DOCK11: variants seen among roughly 807,000 people sequenced by gnomAD.
DOCK11 encodes the protein dedicator of cytokinesis 11.
A neutral mutation model predicts 169.1 loss-of-function variants in DOCK11; 70 were observed. That is an observed-to-expected ratio of 0.41 (90% CI 0.34 to 0.51). The LOEUF (loss-of-function observed/expected upper bound fraction) is 0.51. Among genes scored for constraint, DOCK11 ranks in the 20% least tolerant of loss-of-function variants. The pLI is 0.10. For synonymous variants in DOCK11, 529 were observed against 541.3 expected (o/e 0.98, Z 0.32); for missense variants, 1,166 against 1,538.8 (o/e 0.76, Z 4.05).
intron 52 of DOCK11, 118 bp downstream of exon 52, chrX:118,683,335 C>A: frequency 1.3e-6 from 1 of 786,058 alleles, no homozygotes; most frequent in Non-Finnish European, 1.7e-6. Context: ...ATATTTTAAA[C>A]TTTTTTCATA....
rs190570629 is a variant in DOCK11 at position 118,558,885 on chromosome X, G to A, written c.559-2498G>A. ...AAAATATGATCTTACAGATCATCTCGTCTGATGTCATCATTTTACAAGTGA... is the reference window on the plus strand; with the variant it reads ...AAAATATGATCTTACAGATCATCTCATCTGATGTCATCATTTTACAAGTGA... On this transcript the variant is annotated intron_variant, in intron 6 of 52. Coordinates refer to ENST00000276202, the MANE Select transcript of DOCK11 (RefSeq NM_144658.4). Among the ~76,000 whole-genome samples the A allele has an allele frequency of 8.6e-4, 96 of 112,024 alleles. 1 individual carries two copies. The highest frequency in any genetic ancestry group is 2.6e-3 in the African/African-American group (81 of 30,837).
chrX:118,582,373 G>A (rs1004861520), intron 14 of DOCK11, among the ~76,000 whole-genome samples: 3 of 111,618 alleles, frequency 2.7e-5, no homozygotes, highest in African/African-American at 6.5e-5. Flanking sequence ...TGTGGCATAC[G>A]GTCCCTCTTT....
At chrX:118,651,891 C>T in intron 41 of DOCK11, 73 bp from the exon 42 acceptor site, 2 of 720,216 alleles carry the variant, frequency 2.8e-6, no homozygotes, top group South Asian at 5.2e-5. Context: ...TGCTTATATA[C>T]TTATAAAATG....
At chrX:118,666,371 A>G (rs1164647368) in intron 45 of DOCK11, among the ~76,000 whole-genome samples, 2 of 112,403 alleles carry the variant, frequency 1.8e-5, no homozygotes, top group African/African-American at 3.2e-5. Context: ...AAAATAGAAC[A>G]TGCCCATTCC....
chrX:118,649,410 T>C (rs1190621922), intron 41 of DOCK11, among the ~76,000 whole-genome samples: 1 of 112,906 alleles, frequency 8.9e-6, no homozygotes, highest in Non-Finnish European at 1.9e-5. Context: ...CTCTTTTTAG[T>C]GTGGCTACTA....
intron 24 of DOCK11, among the ~76,000 whole-genome samples, chrX:118,606,356 C>T (rs894072511): frequency 1.8e-5 from 2 of 112,118 alleles, no homozygotes; most frequent in African/African-American, 6.5e-5. Flanking sequence ...CGTGAGCCAC[C>T]GCTTCCTGCA....
At chrX:118,656,369 A>G (rs756047709) in intron 44 of DOCK11, among the ~76,000 whole-genome samples, 1 of 111,611 alleles carries the variant, frequency 9.0e-6, no homozygotes, top group Admixed American at 9.5e-5. Context: ...TTAAATTAAC[A>G]CTTTCTGTCT....
intron 1 of DOCK11, among the ~76,000 whole-genome samples, chrX:118,529,273 C>T (rs970086861): frequency 1.9e-4 from 21 of 112,197 alleles, no homozygotes; most frequent in African/African-American, 4.5e-4. Context: ...TGAGCCACCA[C>T]GCCCGACCAC....
Position 118,566,133 on chromosome X carries a change from C to T in DOCK11, c.822C>T (p.Asn274=). ...LITLKKIIQI[N]TDSLVQEKKE... is the part of the protein sequence containing the mutation. ...CTTTGAAAAAGATTATTCAGATCAA[C>T]ACCGACAGTTTAGTTCAAGAAAAAA... The change falls in exon 8 of 53, where the codon AAC becomes AAT. Residue 274 remains asparagine (N), a synonymous_variant. Coordinates refer to ENST00000276202, the MANE Select transcript of DOCK11 (RefSeq NM_144658.4). 5.8e-6 allele frequency: 7 copies of T among 1,209,502 alleles called. No individual in the cohort carries two copies. Among genetic ancestry groups the T allele is most frequent in the Non-Finnish European group, 6.7e-6 (6 of 894,582 alleles).
At chrX:118,608,422 G>A (rs1012751815) in intron 26 of DOCK11, 66 bp downstream of exon 26, 69 of 1,094,376 alleles carry the variant, frequency 6.3e-5, no homozygotes, top group South Asian at 4.4e-4. Flanking sequence ...ATACCCTCCC[G>A]TTTCACTTCT....
intron 4 of DOCK11, among the ~76,000 whole-genome samples, chrX:118,544,559 AG>A (rs202084752): frequency 3.8e-4 from 42 of 109,411 alleles, no homozygotes; most frequent in African/African-American, 1.4e-3. Flanking sequence ...GGAAAAAAAA[AG>A]AAAAAGAAAA....
intron 23 of DOCK11, among the ~76,000 whole-genome samples, chrX:118,600,408 T>A (rs1182528825): frequency 1.1e-4 from 10 of 88,384 alleles, no homozygotes; most frequent in African/African-American, 3.6e-4. Flanking sequence ...TTCTTTTTTT[T>A]TAAAAAAAAA....
chrX:118,529,949 C>T, intron 1 of DOCK11, among the ~76,000 whole-genome samples: 1 of 111,869 alleles, frequency 8.9e-6, no homozygotes, highest in Admixed American at 9.4e-5. Flanking sequence ...TCTAATAAGC[C>T]TTGCTGAACA....
chrX:118,660,402 A>G (rs904781183), intron 44 of DOCK11, among the ~76,000 whole-genome samples: 1 of 111,641 alleles, frequency 9.0e-6, no homozygotes, highest in African/African-American at 3.3e-5. Context: ...CTTGTAACAG[A>G]CCATTTTAGG....
intron 6 of DOCK11, among the ~76,000 whole-genome samples, chrX:118,552,093 C>T (rs1029417927): frequency 2.8e-5 from 3 of 107,542 alleles, no homozygotes; most frequent in Admixed American, 1.0e-4. Flanking sequence ...AGGGAGGAAT[C>T]ACATCGTGAG....
At chrX:118,628,382 C>A in intron 34 of DOCK11, 110 bp downstream of exon 34, 1 of 445,939 alleles carries the variant, frequency 2.2e-6, no homozygotes, top group Non-Finnish European at 3.9e-6. Context: ...CCTGGCTCTG[C>A]GAAAAGCATC....
intron 40 of DOCK11, among the ~76,000 whole-genome samples, chrX:118,647,917 T>TAATAAATAA (rs1569440843): frequency 4.9e-5 from 2 of 40,621 alleles, no homozygotes; most frequent in African/African-American, 3.2e-4. Context: ...TATTATAATA[T>TAATAAATAA]TATATATAAT....
intron 47 of DOCK11, 107 bp downstream of exon 47, chrX:118,676,156 C>T (rs1018073121): frequency 3.1e-5 from 15 of 483,588 alleles, no homozygotes; most frequent in Non-Finnish European, 4.5e-5. Context: ...CCTATTACAA[C>T]AGCAGGGAGC....
intron 42 of DOCK11, 68 bp downstream of exon 42, chrX:118,652,145 TG>T: frequency 7.2e-6 from 5 of 692,135 alleles, no homozygotes; most frequent in African/African-American, 2.1e-5. Flanking sequence ...ACTCTTAAAC[TG>T]TCATTGGATT....
Sources: allele counts gnomAD v4.1 joint callset (sites outside exome capture counted in the v4.1 genomes callset), GRCh38; gene constraint gnomAD v4.1.1; transcripts MANE v1.5; gene names NCBI Gene and HGNC (gene_info 2026-07-23, HGNC 2026-07-21).